Variants in ABI3BP observed in about 807,000 individuals in gnomAD.
ABI3BP encodes the protein target of Nesh-SH3.
A neutral mutation model predicts 268.6 loss-of-function variants in ABI3BP; 216 were observed. The ratio of observed to expected loss-of-function variants is 0.80; its 90% CI spans 0.72 to 0.90. The LOEUF is 0.90. ABI3BP is among the 40% of genes least tolerant of loss of function. ABI3BP has a pLI of 0.00. For synonymous variants in ABI3BP, 730 were observed against 730.0 expected, an observed-to-expected ratio of 1.00 and a Z score of 0.00; for missense variants, 2,090 against 2,182.4, an observed-to-expected ratio of 0.96 and a Z score of 0.84.
chr3:100,964,438 A>T (rs1269504777), intron 1 of ABI3BP, among the ~76,000 whole-genome samples: 2 of 152,196 alleles, frequency 1.3e-5, no homozygotes, highest in African/African-American at 4.8e-5. Flanking sequence ...CTTTCTGCTC[A>T]GAGACCTCTC....
chr3:100,865,216 C>T (rs987712718), intron 10 of ABI3BP, among the ~76,000 whole-genome samples: 6 of 152,062 alleles, frequency 3.9e-5, no homozygotes, highest in African/African-American at 1.5e-4. Flanking sequence ...TAGCACAATA[C>T]CTGGGATAGA....
At chr3:100,822,992 A>G in intron 37 of ABI3BP, among the ~76,000 whole-genome samples, 1 of 152,204 alleles carries the variant, frequency 6.6e-6, no homozygotes, top group East Asian at 1.9e-4. Flanking sequence ...TCTGAGATTT[A>G]CAACTTACTC....
chr3:100,894,401 T>C (rs1030172328), intron 4 of ABI3BP, among the ~76,000 whole-genome samples: 4 of 152,090 alleles, frequency 2.6e-5, no homozygotes, highest in African/African-American at 7.2e-5. Flanking sequence ...ATGTATTTAC[T>C]TGGGGCCTCC....
chr3:100,968,741 C>T (rs1044794454), intron 1 of ABI3BP, among the ~76,000 whole-genome samples: 5 of 151,974 alleles, frequency 3.3e-5, no homozygotes, highest in African/African-American at 1.2e-4. Context: ...GCAGAACGTG[C>T]GGGTTTGTTA....
chr3:100,797,853 G>A (rs1359113425), intron 51 of ABI3BP, among the ~76,000 whole-genome samples: 1 of 151,996 alleles, frequency 6.6e-6, no homozygotes, highest in African/African-American at 2.4e-5. Flanking sequence ...ACTTTAAAAA[G>A]ATTAGTGGTT....
intron 1 of ABI3BP, among the ~76,000 whole-genome samples, chr3:100,952,951 T>C (rs1286277708): frequency 1.3e-5 from 2 of 152,190 alleles, no homozygotes; most frequent in Non-Finnish European, 2.9e-5. Context: ...CTGAGCTGTT[T>C]ACTTGCTCTA....
Position 100,875,572 on chromosome 3 carries a change from C to T in ABI3BP, c.753G>A (p.Gln251=), listed in dbSNP as rs1354266528. ...TAGCTGAATCCTTGTGAGTAACATTCTGAATCACTGTTGAAATACAAAAAG... is the reference window on the plus strand; with the variant it reads ...TAGCTGAATCCTTGTGAGTAACATTTTGAATCACTGTTGAAATACAAAAAG... ...IPITIIKQVI[Q]NVTHKDSAKS... is the part of the protein sequence containing the mutation. The change falls in exon 8 of 68, where the codon CAG becomes CAA. Residue 251 remains glutamine (Q), a synonymous_variant. Transcript: ENST00000471714. The T allele has an allele frequency of 6.2e-7, 1 of 1,612,154 alleles. No homozygotes were observed. The highest frequency in any genetic ancestry group is 8.5e-7 in the Non-Finnish European group (1 of 1,178,416).
At chr3:100,806,270 T>C (rs1194474334) in intron 50 of ABI3BP, among the ~76,000 whole-genome samples, 3 of 152,110 alleles carry the variant, frequency 2.0e-5, no homozygotes, top group African/African-American at 7.2e-5. Flanking sequence ...GTAAATACTA[T>C]TGTTAGATGA....
At chr3:100,833,279 G>T in intron 29 of ABI3BP, 122 bp from the exon 30 acceptor site, 2 of 872,746 alleles carry the variant, frequency 2.3e-6, no homozygotes, top group Non-Finnish European at 3.4e-6. Context: ...TAGCCACAAA[G>T]CAAACATTTT....
Position 100,763,471 on chromosome 3 carries a change from A to G in ABI3BP, c.4850+2370T>C, listed in dbSNP as rs200119772. On this transcript the variant is annotated intron_variant, in intron 63 of 67. Coordinates refer to ENST00000471714, the MANE Select transcript of ABI3BP (RefSeq NM_001375547.2). ...AGAGCAAGACTCTGTCTCAAAAAAA[A>G]AAAAAAGAAAAAAGAAAAAATCTAG... Among the ~76,000 whole-genome samples, 13 of 152,048 alleles carry G rather than the reference A, an allele frequency of 8.5e-5. No individual in the cohort carries two copies. The East Asian group carries it at 1.9e-3, about 23-fold the overall frequency.
intron 9 of ABI3BP, among the ~76,000 whole-genome samples, chr3:100,868,486 G>A (rs1581207171): frequency 1.3e-5 from 2 of 152,004 alleles, no homozygotes; most frequent in African/African-American, 4.8e-5. Flanking sequence ...CTTTATTTTT[G>A]TAAAGACCAT....
At chr3:100,976,777 G>A (rs2086421417) in intron 1 of ABI3BP, among the ~76,000 whole-genome samples, 1 of 152,206 alleles carries the variant, frequency 6.6e-6, no homozygotes, top group African/African-American at 2.4e-5. Context: ...ATTCGGGGAT[G>A]TAGGTCAGCT....
chr3:100,950,982 A>T (rs1358402942), intron 1 of ABI3BP, among the ~76,000 whole-genome samples: 1 of 151,948 alleles, frequency 6.6e-6, no homozygotes, highest in African/African-American at 2.4e-5. Context: ...TCTCAAAAGA[A>T]CAATGTGGAC....
At chr3:100,770,666 G>T in intron 62 of ABI3BP, 77 bp downstream of exon 62, 2 of 1,323,370 alleles carry the variant, frequency 1.5e-6, no homozygotes, top group Non-Finnish European at 2.0e-6. Context: ...TGTCAACGTT[G>T]ACCCAGGGTA....
At chr3:100,951,029 C>T (rs1031453587) in intron 1 of ABI3BP, among the ~76,000 whole-genome samples, 1 of 151,906 alleles carries the variant, frequency 6.6e-6, no homozygotes, top group Non-Finnish European at 1.5e-5. Flanking sequence ...TAACTGCTCA[C>T]CGGAGAGTAA....
In ABI3BP at chr3:100,792,788, A is replaced by C; in HGVS notation, c.3947-20T>G. The C allele has an allele frequency of 6.2e-7, 1 of 1,601,772 alleles. No homozygotes were observed. Among genetic ancestry groups the C allele is most frequent in the Non-Finnish European group, 8.5e-7 (1 of 1,169,778 alleles). On this transcript the variant is annotated intron_variant, in intron 54 of 67. Transcript: ENST00000471714. ...TTTCTTCTAGAGAAAACACAGTAAG[A>C]TTGCTTGTTTTAAATAATTAACATT... is the stretch of plus-strand genomic sequence containing the variant.
At chr3:100,939,181 T>C (rs1357764245) in intron 1 of ABI3BP, among the ~76,000 whole-genome samples, 1 of 152,020 alleles carries the variant, frequency 6.6e-6, no homozygotes, top group East Asian at 1.9e-4. Flanking sequence ...TAGGTCCCAG[T>C]AGGGAATTTC....
chr3:100,980,030 A>G (rs1228060252), intron 1 of ABI3BP, among the ~76,000 whole-genome samples: 2 of 152,194 alleles, frequency 1.3e-5, no homozygotes, highest in African/African-American at 4.8e-5. Flanking sequence ...TAATATCAAT[A>G]TTTAAAATTT....
intron 2 of ABI3BP, among the ~76,000 whole-genome samples, chr3:100,914,080 G>T (rs1003631266): frequency 6.6e-6 from 1 of 152,096 alleles, no homozygotes; most frequent in African/African-American, 2.4e-5. Context: ...GCACAAACAA[G>T]TATTTTTTGA....
Sources: allele counts gnomAD v4.1 joint callset (sites outside exome capture counted in the v4.1 genomes callset), GRCh38; gene constraint gnomAD v4.1.1; transcripts MANE v1.5; gene names NCBI Gene and HGNC (gene_info 2026-07-23, HGNC 2026-07-21).